Variants in OR51B5 observed in about 807,000 individuals in gnomAD.
OR51B5 encodes the protein olfactory receptor 51B5.
For missense variants in OR51B5, 456 were observed against 374.6 expected, an observed-to-expected ratio of 1.22 and a Z score of -1.79; for synonymous variants, 186 against 144.8, an observed-to-expected ratio of 1.28 and a Z score of -2.04.
upstream of OR51B5, among the ~76,000 whole-genome samples, chr11:5,348,086 C>A (rs1429657673): frequency 5.3e-5 from 8 of 151,854 alleles, no homozygotes; most frequent in Non-Finnish European, 4.4e-5. Context: ...GATTTCTTAG[C>A]AAGAGAAAAG....
At chr11:5,410,028 C>T (rs1850120722) in intron 1 of OR51B5, among the ~76,000 whole-genome samples, 1 of 152,152 alleles carries the variant, frequency 6.6e-6, no homozygotes, top group African/African-American at 2.4e-5. Context: ...ATTCTATACA[C>T]AGTGAAAATA....
At chr11:5,429,708 AG>A (rs1237987199) in intron 1 of OR51B5, among the ~76,000 whole-genome samples, 1 of 152,190 alleles carries the variant, frequency 6.6e-6, no homozygotes, top group Non-Finnish European at 1.5e-5. Context: ...TAAGAATAAA[AG>A]CACCACATGC....
chr11:5,441,655 C>T, intron 1 of OR51B5: 1 of 664,572 alleles, frequency 1.5e-6, no homozygotes, highest in South Asian at 1.9e-5. Flanking sequence ...GTAAGACACT[C>T]ATCTCTTTAA....
chr11:5,468,612 C>G (rs1458716346), intron 1 of OR51B5: 1 of 453,650 alleles, frequency 2.2e-6, no homozygotes, highest in Non-Finnish European at 4.4e-6. Context: ...TATTCAGGAG[C>G]ATGCCTCCCA....
At chr11:5,413,153 G>A (rs1412091674) in intron 1 of OR51B5, among the ~76,000 whole-genome samples, 2 of 152,210 alleles carry the variant, frequency 1.3e-5, no homozygotes. Context: ...TGCAGACACT[G>A]CTGCTGATAC....
chr11:5,346,938 A>G (rs1265479795), upstream of OR51B5: 3 of 152,200 alleles, frequency 2.0e-5, no homozygotes, highest in Non-Finnish European at 4.4e-5. Context: ...CACTGTGGTT[A>G]TTAATAAAGA....
chr11:5,371,331 A>T (rs1245367684), intron 1 of OR51B5, among the ~76,000 whole-genome samples: 1 of 152,108 alleles, frequency 6.6e-6, no homozygotes. Context: ...TATAATTCTC[A>T]TTCTCTGTGG....
chr11:5,343,364 T>G, exon 1 of OR51B5: 1 of 1,613,628 alleles, frequency 6.2e-7, no homozygotes, highest in Non-Finnish European at 8.5e-7. Context: ...CATGGGCTCA[T>G]GAAGATTGTG....
chr11:5,463,635 TTTTG>T (rs758105791), intron 1 of OR51B5, among the ~76,000 whole-genome samples: 105 of 152,312 alleles, frequency 6.9e-4, no homozygotes, highest in African/African-American at 2.4e-3. Context: ...TTGTTTAGGT[TTTTG>T]TTTGTTTGTT....
At chr11:5,497,401 G>T (rs983763222) in intron 1 of OR51B5, among the ~76,000 whole-genome samples, 1 of 152,152 alleles carries the variant, frequency 6.6e-6, no homozygotes, top group Non-Finnish European at 1.5e-5. Flanking sequence ...AACAGAGCAA[G>T]ACTCCGTCTC....
At position 5,379,205 on chromosome 11, in the gene OR51B5, G is replaced by A. The variant is rs577713109; in HGVS notation, n.85-32295C>T. ...AAATCATCATTCTCAGTAAACTATCGCAAGGACAAAAAACCAAACACCACA... is the reference window on the plus strand; with the variant it reads ...AAATCATCATTCTCAGTAAACTATCACAAGGACAAAAAACCAAACACCACA... On this transcript the variant is annotated intron_variant and non_coding_transcript_variant, in intron 1 of 4. Transcript: ENST00000415970. Among the ~76,000 whole-genome samples the A allele has an allele frequency of 5.7e-3, 864 of 151,938 alleles. 5 individuals carry two copies. The highest frequency in any genetic ancestry group is 0.017 in the African/African-American group (698 of 41,422).
chr11:5,375,398 A>G (rs1849509610), intron 1 of OR51B5, among the ~76,000 whole-genome samples: 1 of 149,126 alleles, frequency 6.7e-6, no homozygotes, highest in Non-Finnish European at 1.5e-5. Context: ...TGTGAAGACC[A>G]TCAAGACTAG....
intron 1 of OR51B5, among the ~76,000 whole-genome samples, chr11:5,375,965 T>C (rs886884530): frequency 6.6e-5 from 10 of 152,060 alleles, no homozygotes. Flanking sequence ...GCAGACCTAA[T>C]AGACATCTAC....
intron 1 of OR51B5, among the ~76,000 whole-genome samples, chr11:5,450,027 C>G (rs1850820160): frequency 6.6e-6 from 1 of 152,108 alleles, no homozygotes. Context: ...GCATTCTTTG[C>G]TTGATTAAAA....
chr11:5,499,756 A>G (rs1025650267), intron 1 of OR51B5, among the ~76,000 whole-genome samples: 4 of 152,136 alleles, frequency 2.6e-5, no homozygotes, highest in Non-Finnish European at 4.4e-5. Context: ...TTATGACACA[A>G]GTCTAAACAA....
chr11:5,475,314 T>A (rs1267451639), intron 1 of OR51B5, among the ~76,000 whole-genome samples: 3 of 152,188 alleles, frequency 2.0e-5, no homozygotes, highest in Non-Finnish European at 4.4e-5. Context: ...CAACTTTACA[T>A]TGAATATATT....
At chr11:5,394,244 G>C (rs1206857157) in intron 1 of OR51B5, among the ~76,000 whole-genome samples, 1 of 151,906 alleles carries the variant, frequency 6.6e-6, no homozygotes, top group Admixed American at 6.6e-5. Context: ...AACCTTATGA[G>C]ATGGATACTA....
chr11:5,467,901 C>T (rs1851162531), intron 1 of OR51B5, among the ~76,000 whole-genome samples: 2 of 152,226 alleles, frequency 1.3e-5, no homozygotes, highest in African/African-American at 4.8e-5. Context: ...CCAATGATGA[C>T]AGCATGTGAC....
intron 1 of OR51B5, among the ~76,000 whole-genome samples, chr11:5,457,809 T>C (rs1850982421): frequency 6.6e-6 from 1 of 152,204 alleles, no homozygotes; most frequent in Non-Finnish European, 1.5e-5. Flanking sequence ...CCATTTTTAA[T>C]GGAGTTATGT....
Sources: allele counts gnomAD v4.1 joint callset (sites outside exome capture counted in the v4.1 genomes callset), GRCh38; gene constraint gnomAD v4.1.1; transcripts MANE v1.5; gene names NCBI Gene and HGNC (gene_info 2026-07-23, HGNC 2026-07-21).